CNTNAP2: variants seen among roughly 807,000 people sequenced by gnomAD.
The protein encoded by CNTNAP2 is contactin associated protein 2.
CNTNAP2 carries 98 observed loss-of-function variants against 155.2 expected under a neutral mutation model. That is an observed-to-expected ratio of 0.63 (90% CI 0.54 to 0.75). The LOEUF is 0.75. Ranked by LOEUF, CNTNAP2 falls within the 30% of genes least tolerant of loss-of-function variation. The probability of loss-of-function intolerance (pLI) is 0.00; values close to 1 mark genes in which losing one functional copy is unlikely to be tolerated. For synonymous variants in CNTNAP2, 651 were observed against 631.2 expected (o/e 1.03, Z -0.47); for missense variants, 1,727 against 1,688.1 (o/e 1.02, Z -0.40).
chr7:146,562,314 A>G (rs1050039607), intron 1 of CNTNAP2, among the ~76,000 whole-genome samples: 1 of 152,048 alleles, frequency 6.6e-6, no homozygotes, highest in Non-Finnish European at 1.5e-5. Flanking sequence ...AAAATTTCTC[A>G]TTTTATTGAT....
chr7:146,756,093 G>GA (rs533675839), intron 1 of CNTNAP2, among the ~76,000 whole-genome samples: 1 of 151,652 alleles, frequency 6.6e-6, no homozygotes, highest in Non-Finnish European at 1.5e-5. Flanking sequence ...ACAAAAATAG[G>GA]AAAAAATAAT....
chr7:147,256,166 A>G (rs543684411), intron 8 of CNTNAP2, among the ~76,000 whole-genome samples: 3 of 152,302 alleles, frequency 2.0e-5, no homozygotes, highest in African/African-American at 7.2e-5. Context: ...ACTGGGTCAT[A>G]GTCCAGCAAA....
At chr7:147,339,732 G>A (rs1795729172) in intron 9 of CNTNAP2, among the ~76,000 whole-genome samples, 1 of 152,012 alleles carries the variant, frequency 6.6e-6, no homozygotes, top group Admixed American at 6.6e-5. Flanking sequence ...ATCATTTAAT[G>A]GGCTTATTTC....
At chr7:147,320,841 G>C (rs904772823) in intron 9 of CNTNAP2, among the ~76,000 whole-genome samples, 3 of 152,150 alleles carry the variant, frequency 2.0e-5, no homozygotes, top group Non-Finnish European at 4.4e-5. Context: ...AGGGCATTCT[G>C]CTTTTTCCTG....
intron 1 of CNTNAP2, among the ~76,000 whole-genome samples, chr7:146,442,901 G>A (rs1364596183): frequency 2.0e-5 from 3 of 151,898 alleles, no homozygotes; most frequent in Admixed American, 6.6e-5. Context: ...TTGAAGTTTC[G>A]TTTTCATTAA....
At chr7:146,930,901 A>C (rs28896596) in intron 3 of CNTNAP2, among the ~76,000 whole-genome samples, 2,405 of 152,292 alleles carry the variant, frequency 0.016, 65 homozygotes, top group African/African-American at 0.055. Flanking sequence ...CTAAATATAT[A>C]TGCACCCAAT....
chr7:147,775,295 TTATATATATTTATAAATA>T (rs1797554393), intron 13 of CNTNAP2, among the ~76,000 whole-genome samples: 2 of 39,238 alleles, frequency 5.1e-5, no homozygotes, highest in South Asian at 6.7e-4. Context: ...ATATATATAT[TTATATATATTTATAAATA>T]TATATATATT....
chr7:147,208,800 G>A (rs1473683403), intron 8 of CNTNAP2, among the ~76,000 whole-genome samples: 1 of 151,766 alleles, frequency 6.6e-6, no homozygotes, highest in Non-Finnish European at 1.5e-5. Flanking sequence ...AAGAATATTA[G>A]GATTTGAAAA....
At chr7:146,931,253 A>G (rs1796749991) in intron 3 of CNTNAP2, among the ~76,000 whole-genome samples, 2 of 152,204 alleles carry the variant, frequency 1.3e-5, no homozygotes, top group African/African-American at 4.8e-5. Flanking sequence ...ACCACAGTGC[A>G]ATCAAACCAG....
In CNTNAP2 at chr7:147,697,062, G is replaced by A. The variant is rs114879265; in HGVS notation, c.2098+57756G>A. Among the ~76,000 whole-genome samples the A allele has an allele frequency of 6.3e-3, 952 of 152,260 alleles. 16 individuals are homozygous for A. The highest frequency in any genetic ancestry group is 0.022 in the African/African-American group (895 of 41,552). ...GTTTGATGTCTGCAATAGTGACTGA[G>A]AATTTTTCCAAATTAATGTGTGGTT... On this transcript the variant is annotated intron_variant, in intron 13 of 23. Transcript: ENST00000361727.
chr7:147,445,593 G>A (rs1223831722), intron 10 of CNTNAP2, among the ~76,000 whole-genome samples: 2 of 152,146 alleles, frequency 1.3e-5, no homozygotes, highest in East Asian at 3.9e-4. Flanking sequence ...CTTAACAAAT[G>A]TTAGTTGTCA....
intron 1 of CNTNAP2, 37 bp downstream of exon 1, chr7:146,117,010 T>G: frequency 6.6e-7 from 1 of 1,515,426 alleles, no homozygotes; most frequent in East Asian, 2.5e-5. Flanking sequence ...CTGGAGCAGT[T>G]TCAGTGCGGC....
At chr7:146,901,352 G>T (rs1795990996) in intron 3 of CNTNAP2, among the ~76,000 whole-genome samples, 1 of 152,086 alleles carries the variant, frequency 6.6e-6, no homozygotes, top group African/African-American at 2.4e-5. Flanking sequence ...CTGTATGTAT[G>T]CATAATTGGT....
intron 15 of CNTNAP2, among the ~76,000 whole-genome samples, chr7:148,052,919 C>T (rs1320819104): frequency 3.3e-5 from 5 of 152,108 alleles, no homozygotes; most frequent in East Asian, 1.9e-4. Context: ...TAGTGGCGCA[C>T]GCCTGTAGTC....
chr7:147,939,274 T>C (rs1800671511), intron 14 of CNTNAP2, among the ~76,000 whole-genome samples: 1 of 152,128 alleles, frequency 6.6e-6, no homozygotes, highest in African/African-American at 2.4e-5. Context: ...ATCTATGAGG[T>C]AAGAAGAAAA....
At chr7:148,344,983 A>G (rs1255088682) in intron 21 of CNTNAP2, among the ~76,000 whole-genome samples, 2 of 152,198 alleles carry the variant, frequency 1.3e-5, no homozygotes, top group African/African-American at 4.8e-5. Context: ...GCTGCAACAC[A>G]GTCCCCGAGT....
At chr7:148,251,259 A>G (rs1489039564) in intron 20 of CNTNAP2, among the ~76,000 whole-genome samples, 4 of 152,212 alleles carry the variant, frequency 2.6e-5, no homozygotes, top group Admixed American at 6.5e-5. Flanking sequence ...AATGATTTGC[A>G]GAACTCGGGA....
intron 1 of CNTNAP2, among the ~76,000 whole-genome samples, chr7:146,270,510 T>C (rs1800064206): frequency 6.6e-6 from 1 of 152,192 alleles, no homozygotes; most frequent in Non-Finnish European, 1.5e-5. Flanking sequence ...TTTTATTCAG[T>C]TGCTTTGATG....
chr7:148,371,958 TG>T (rs1461413092), intron 21 of CNTNAP2, among the ~76,000 whole-genome samples: 1 of 152,132 alleles, frequency 6.6e-6, no homozygotes, highest in Non-Finnish European at 1.5e-5. Context: ...CCCGGCACTT[TG>T]GGAGGCCGAG....
Sources: gnomAD v4.1 joint callset for allele counts (sites outside exome capture counted in the v4.1 genomes callset) on GRCh38, gnomAD v4.1.1 for gene constraint, MANE v1.5 for transcripts, NCBI Gene and HGNC (gene_info 2026-07-23, HGNC 2026-07-21) for gene names.